SBF1: variants seen among roughly 807,000 people sequenced by gnomAD.
SBF1 encodes SET binding factor 1.
A neutral mutation model predicts 215.8 loss-of-function variants in SBF1; 65 were observed. The observed-to-expected ratio is 0.30, with a 90% CI of 0.25 to 0.37. SBF1 has a LOEUF of 0.37. Ranked by LOEUF, SBF1 falls within the 10% of genes least tolerant of loss-of-function variation. The pLI is 1.00. For missense variants in SBF1, 2,634 were observed against 2,667.8 expected (o/e 0.99, Z 0.28); for synonymous variants, 1,410 against 1,122.8 (o/e 1.26, Z -5.11).
intron 2 of SBF1, 106 bp downstream of exon 2, chr22:50,468,270 C>T (rs2067862262): frequency 4.5e-6 from 5 of 1,098,914 alleles, no homozygotes; most frequent in East Asian, 2.6e-5. Flanking sequence ...CCTAGCCCAG[C>T]GGGGGGCCGG....
chr22:50,465,190 C>G (rs2067695052), intron 11 of SBF1, 25 bp downstream of exon 11: 1 of 1,612,750 alleles, frequency 6.2e-7, no homozygotes. Flanking sequence ...TCTCCTACCC[C>G]ACGCCCAGCC....
Position 50,460,150 on chromosome 22 carries a change from T to A in SBF1, c.3293A>T (p.Glu1098Val), listed in dbSNP as rs1235091749. 1 of 1,611,402 alleles carries A rather than the reference T, an allele frequency of 6.2e-7. No individual in the cohort carries two copies. Among genetic ancestry groups the A allele is most frequent in the Admixed American group, 1.7e-5 (1 of 60,008 alleles). ...CGGGGTCAGCGTGCTGGGCTCCAGC[T>A]CCTCCGACACTGCACAGGCCGGGCA... Reference protein sequence around the residue: ...DQEDEISVSEELEPSTLTPSS... With the variant: ...DQEDEISVSEVLEPSTLTPSS... The change falls in exon 26 of 41, where the codon GAG becomes GTG. Residue 1098 changes from glutamate to valine, a missense_variant. Glu to Val is a moderately radical substitution (Grantham distance 121). Transcript: ENST00000380817.
chr22:50,452,398 T>C (rs2067081022), intron 36 of SBF1, among the ~76,000 whole-genome samples: 1 of 152,236 alleles, frequency 6.6e-6, no homozygotes, highest in South Asian at 2.1e-4. Flanking sequence ...TCTTTCTTAA[T>C]TTCCTTAAAA....
At position 50,447,197 on chromosome 22, in the gene SBF1, A is replaced by G. The variant is rs572361107; in HGVS notation, c.5627T>C (p.Val1876Ala). The part of the protein sequence containing the change: ...RRVYNFCAQD[V>A]PSAQQWVDRI... ...GTCCACCCACTGCTGGGCCGAGGGC[A>G]CGTCCTGGGCACAGAAGTTGTAAAC... is the stretch of plus-strand genomic sequence containing the variant. Residue 1876 changes from valine to alanine, a missense_variant, in exon 41 of 41, where the codon GTG becomes GCG. Val to Ala is a moderately conservative substitution (Grantham distance 64, BLOSUM62 0). Transcript: ENST00000380817. 6.8e-6 allele frequency: 11 copies of G among 1,613,644 alleles called. No homozygotes were observed. The highest frequency in any genetic ancestry group is 9.3e-6 in the Non-Finnish European group (11 of 1,179,988).
At chr22:50,474,110 G>A (rs1233399263) in intron 1 of SBF1, among the ~76,000 whole-genome samples, 3 of 152,176 alleles carry the variant, frequency 2.0e-5, no homozygotes, top group Non-Finnish European at 2.9e-5. Flanking sequence ...CAGACCTCCT[G>A]GGCATGGGCA....
Position 50,466,008 on chromosome 22 carries a change from G to A in SBF1, c.964C>T (p.Pro322Ser). ...TGACTCTGCAGTGGCTCTGGCAAGG[G>A]TGGAATGTGCACACACTCAGGAATG... ...VTIPECVHIPPLPEPLQSQTH... is the reference protein window; with the variant it reads ...VTIPECVHIPSLPEPLQSQTH... The change falls in exon 9 of 41, where the codon CCC becomes TCC. Residue 322 changes from proline (P) to serine (S), a missense_variant. Coordinates refer to ENST00000380817, the MANE Select transcript of SBF1 (RefSeq NM_002972.4). The A allele has an allele frequency of 1.2e-6, 2 of 1,613,992 alleles. No individual in the cohort carries two copies. Among genetic ancestry groups the A allele is most frequent in the Non-Finnish European group, 1.7e-6 (2 of 1,180,044 alleles).
chr22:50,465,615 G>T, intron 10 of SBF1, 148 bp downstream of exon 10: 1 of 770,864 alleles, frequency 1.3e-6, no homozygotes, highest in Non-Finnish European at 2.1e-6. Context: ...CCTAACTGCT[G>T]GCAGCTGCTT....
In SBF1 at chr22:50,462,225, G is replaced by A; in HGVS notation, c.2376C>T (p.Ser792=). 1.2e-6 allele frequency: 2 copies of A among 1,607,696 alleles called. No individual in the cohort carries two copies. Among genetic ancestry groups the A allele is most frequent in the Non-Finnish European group, 1.7e-6 (2 of 1,179,960 alleles). The part of the protein sequence containing the change: ...RAGLGDLESA[S]NSLVTNSMAG... ...CTCACCTGTTGGTGACCAGGCTGTT[G>A]CTGGCGCTCTCCAGGTCGCCCAGCC... The change falls in exon 19 of 41, where the codon AGC becomes AGT. Residue 792 remains serine, a synonymous_variant. Coordinates refer to ENST00000380817, the MANE Select transcript of SBF1 (RefSeq NM_002972.4).
chr22:50,454,953 A>G lies in SBF1; in HGVS notation c.4682-9T>C. 1 of 1,613,928 alleles carries G rather than the reference A, an allele frequency of 6.2e-7. No homozygotes were observed. Among genetic ancestry groups the G allele is most frequent in the South Asian group, 1.1e-5 (1 of 91,074 alleles). Reference sequence around the variant, plus strand: ...CTCCTCATACAGCAGCCCTGCACAGAAGCAGCACTGAGCCTGGGCCCCTCC... The same window carrying G: ...CTCCTCATACAGCAGCCCTGCACAGGAGCAGCACTGAGCCTGGGCCCCTCC... On this transcript the variant is annotated splice_polypyrimidine_tract_variant and intron_variant, in intron 34 of 40. Coordinates refer to ENST00000380817, the MANE Select transcript of SBF1 (RefSeq NM_002972.4).
At chr22:50,454,386 C>T (rs1279816207) in intron 36 of SBF1, 126 bp downstream of exon 36, 1 of 846,716 alleles carries the variant, frequency 1.2e-6, no homozygotes, top group Non-Finnish European at 1.9e-6. Context: ...ACGGCAGGGC[C>T]ACACCAACCC....
At chr22:50,467,479 C>T in intron 4 of SBF1, 31 bp from the exon 5 acceptor site, 4 of 1,613,870 alleles carry the variant, frequency 2.5e-6, no homozygotes, top group Non-Finnish European at 3.4e-6. Context: ...AGTGGTGGGA[C>T]AGCCGATGGA....
In SBF1 at chr22:50,460,077, C is replaced by T; in HGVS notation, c.3366G>A (p.Val1122=). 1.9e-6 allele frequency: 3 copies of T among 1,613,902 alleles called. No individual in the cohort carries two copies. Among genetic ancestry groups the T allele is most frequent in the Non-Finnish European group, 2.5e-6 (3 of 1,179,984 alleles). Residue 1122 remains valine (V), a synonymous_variant, in exon 26 of 41, where the codon GTG becomes GTA. Transcript: ENST00000380817. The stretch of plus-strand genomic sequence containing the variant: ...GGTAGTCGCGACAGCAAGCCCTTTC[C>T]ACCAGGCTGCTCATGGTCATGCGGT... ...PSDRMTMSSL[V]ERACCRDYQR... is the part of the protein sequence containing the mutation.
At chr22:50,454,787 G>A (rs759724165) in intron 35 of SBF1, 27 bp downstream of exon 35, 14 of 1,609,744 alleles carry the variant, frequency 8.7e-6, no homozygotes, top group Admixed American at 3.4e-5. Flanking sequence ...GGCAGGAGCC[G>A]CCTACCCGAC....
chr22:50,470,761 C>T (rs2067968008), intron 1 of SBF1, among the ~76,000 whole-genome samples: 2 of 152,250 alleles, frequency 1.3e-5, no homozygotes, highest in African/African-American at 4.8e-5. Context: ...CCTCCCCACA[C>T]CCAACAAGCA....
rs372241531 is a variant in SBF1 at position 50,467,799 on chromosome 22, G to A, written c.266C>T (p.Ala89Val). The change falls in exon 3 of 41, where the codon GCG becomes GTG. Residue 89 changes from alanine to valine, a missense_variant. Ala to Val is a moderately conservative substitution (Grantham distance 64). Transcript: ENST00000380817. ...CCCCAAGCTGACCTGTGAAGGCTCC[G>A]CTGGCTCCCAGAAGGTCAAGCAGGC... is the stretch of plus-strand genomic sequence containing the variant. ...YCACLTFWEP[A>V]EPSQETTRVE... is the part of the protein sequence containing the mutation. The A allele has an allele frequency of 4.6e-5, 74 of 1,613,784 alleles. No homozygotes were observed. Among genetic ancestry groups the A allele is most frequent in the Non-Finnish European group, 5.8e-5 (68 of 1,179,960 alleles).
rs991941364 is a variant in SBF1 at position 50,461,846 on chromosome 22, T to C, written c.2593A>G (p.Thr865Ala). 1 of 1,613,768 alleles carries C rather than the reference T, an allele frequency of 6.2e-7. No homozygotes were observed. Among genetic ancestry groups the C allele is most frequent in the Middle Eastern group, 1.6e-4 (1 of 6,062 alleles). The change falls in exon 21 of 41, where the codon ACC (threonine) becomes GCC (alanine). Residue 865 changes from threonine to alanine, a missense_variant. Coordinates refer to ENST00000380817, the MANE Select transcript of SBF1 (RefSeq NM_002972.4). ...VPDIVQMHIE[T>A]LEAVQRESRR... is the part of the protein sequence containing the mutation. ...CTCTCCCGCTGCACGGCCTCCAGGG[T>C]CTCGATGTGCATCTGGACAATGTCT...
In SBF1 at chr22:50,447,036, T is replaced by C. The variant is rs1385157267; in HGVS notation, c.*106A>G. Reference sequence around the variant, plus strand: ...ACACAAGTGCTGGGGGCTCGGGGCCTCAATACTGTCGAGGGCCGGGGCTGT... The same window carrying C: ...ACACAAGTGCTGGGGGCTCGGGGCCCCAATACTGTCGAGGGCCGGGGCTGT... On this transcript the variant is annotated 3_prime_UTR_variant, in exon 41 of 41. Transcript: ENST00000380817. 8 of 1,021,164 alleles carry C rather than the reference T, an allele frequency of 7.8e-6. No individual in the cohort carries two copies. The highest frequency in any genetic ancestry group is 1.4e-5 in the South Asian group (1 of 69,192). 63.3% of individuals were successfully genotyped at this position (1,021,164 alleles called of 1,614,324 possible).
chr22:50,453,661 C>T (rs1232719727), intron 36 of SBF1, among the ~76,000 whole-genome samples: 1 of 152,138 alleles, frequency 6.6e-6, no homozygotes, highest in African/African-American at 2.4e-5. Context: ...GTGGTGGGCA[C>T]CTGTAGTCCC....
At chr22:50,458,318 A>G (rs2067343031) in intron 28 of SBF1, among the ~76,000 whole-genome samples, 1 of 149,252 alleles carries the variant, frequency 6.7e-6, no homozygotes, top group Admixed American at 6.7e-5. Context: ...AAAAAAAAAA[A>G]AAAAAGGTCA....
Sources: gnomAD v4.1 joint callset for allele counts (sites outside exome capture counted in the v4.1 genomes callset) on GRCh38, gnomAD v4.1.1 for gene constraint, MANE v1.5 for transcripts, NCBI Gene and HGNC (gene_info 2026-07-23, HGNC 2026-07-21) for gene names.